Variants in NTM observed in about 807,000 individuals in gnomAD.
NTM encodes IgLON family member 2.
A neutral mutation model predicts 42.1 loss-of-function variants in NTM; 13 were observed. The observed-to-expected ratio is 0.31, with a 90% confidence interval of 0.20 to 0.49. NTM has a LOEUF of 0.49. NTM is among the 20% of genes least tolerant of loss of function. The pLI, the probability that NTM is intolerant of heterozygous loss-of-function variation, is 0.99. For synonymous variants in NTM, 187 were observed against 179.2 expected, an observed-to-expected ratio of 1.04 and a Z score of -0.35; for missense variants, 373 against 452.8, an observed-to-expected ratio of 0.82 and a Z score of 1.60.
intron 2 of NTM, among the ~76,000 whole-genome samples, chr11:132,089,920 GT>G (rs886504783): frequency 2.0e-5 from 3 of 151,636 alleles, no homozygotes; most frequent in East Asian, 1.9e-4. Context: ...AAAATTCAAG[GT>G]TTTTTTTATA....
intron 2 of NTM, among the ~76,000 whole-genome samples, chr11:131,971,106 A>C (rs2063475066): frequency 6.6e-6 from 1 of 151,944 alleles, no homozygotes; most frequent in Admixed American, 6.6e-5. Context: ...GGGTCATGGG[A>C]CTCCACAGGC....
At chr11:131,552,852 CA>C in intron 1 of NTM, among the ~76,000 whole-genome samples, 1 of 151,370 alleles carries the variant, frequency 6.6e-6, no homozygotes, top group East Asian at 1.9e-4. Context: ...AAGGTAGAAA[CA>C]GTGCCAATGT....
rs951593215 is a variant in NTM at position 132,307,799 on chromosome 11, C to T, written c.637C>T (p.Arg213Trp). Residue 213 changes from arginine to tryptophan, a missense_variant, in exon 5 of 9, where the codon CGG (arginine) becomes TGG (tryptophan). By Grantham distance (101) the Arg-to-Trp change is moderately radical (BLOSUM62 -3). Transcript: ENST00000683400. ...ASNDVAAPVV[R>W]RVKVTVNYPP... ...CAATGACGTGGCCGCGCCCGTGGTA[C>T]GGAGAGTAAAGGTCACCGTGAACTG... The T allele has an allele frequency of 3.7e-6, 6 of 1,614,020 alleles. No individual in the cohort carries two copies. Among genetic ancestry groups the T allele is most frequent in the South Asian group, 1.1e-5 (1 of 91,086 alleles).
intron 1 of NTM, among the ~76,000 whole-genome samples, chr11:131,545,661 A>G (rs2053837469): frequency 6.6e-6 from 1 of 152,202 alleles, no homozygotes; most frequent in African/African-American, 2.4e-5. Flanking sequence ...CAAAGAAACT[A>G]TTAAATCCAT....
At chr11:131,407,897 C>G (rs1402667555) in intron 1 of NTM, among the ~76,000 whole-genome samples, 1 of 152,192 alleles carries the variant, frequency 6.6e-6, no homozygotes, top group Non-Finnish European at 1.5e-5. Context: ...TCTTATCTCA[C>G]CAGAGTGGTG....
chr11:131,880,867 T>C (rs1158213766), intron 1 of NTM, among the ~76,000 whole-genome samples: 1 of 152,056 alleles, frequency 6.6e-6, no homozygotes, highest in African/African-American at 2.4e-5. Flanking sequence ...TTCTAAACTC[T>C]GATAGGTGCT....
intron 1 of NTM, among the ~76,000 whole-genome samples, chr11:131,475,371 G>A (rs1376799080): frequency 1.3e-5 from 2 of 152,006 alleles, no homozygotes; most frequent in Admixed American, 1.3e-4. Flanking sequence ...ATTTTTCTGA[G>A]AAGAGTTTAA....
intron 4 of NTM, among the ~76,000 whole-genome samples, chr11:132,252,145 G>A (rs3133903): frequency 0.36 from 54,472 of 151,318 alleles, 10,288 homozygotes; most frequent in Middle Eastern, 0.5. Context: ...GCCGCTCAGC[G>A]TCAGTTCTAC....
intron 2 of NTM, among the ~76,000 whole-genome samples, chr11:132,091,236 A>T (rs2060338296): frequency 6.6e-6 from 1 of 152,050 alleles, no homozygotes; most frequent in South Asian, 2.1e-4. Flanking sequence ...CTAAAAATAC[A>T]TACACACATA....
chr11:131,404,505 C>G (rs144461078), intron 1 of NTM, among the ~76,000 whole-genome samples: 5 of 152,144 alleles, frequency 3.3e-5, no homozygotes, highest in Admixed American at 3.3e-4. Flanking sequence ...TCCACTTCTC[C>G]GGGAGATCTC....
intron 1 of NTM, among the ~76,000 whole-genome samples, chr11:131,439,478 C>T (rs1949427097): frequency 6.6e-6 from 1 of 152,204 alleles, no homozygotes; most frequent in Non-Finnish European, 1.5e-5. Flanking sequence ...TCGAGCTTCC[C>T]AGGATGCTTT....
chr11:131,791,390 T>G (rs1274338136), intron 1 of NTM, among the ~76,000 whole-genome samples: 3 of 152,226 alleles, frequency 2.0e-5, no homozygotes, highest in Admixed American at 2.0e-4. Context: ...GTGTTTATCC[T>G]TTTATTAAAT....
intron 1 of NTM, among the ~76,000 whole-genome samples, chr11:131,424,726 ATT>A (rs71475756): frequency 2.5e-5 from 3 of 122,182 alleles, no homozygotes; most frequent in Non-Finnish European, 5.0e-5. Context: ...TGCCTGGCTA[ATT>A]TTTTTTTTTT....
At chr11:131,846,959 A>G (rs1013458971) in intron 1 of NTM, among the ~76,000 whole-genome samples, 2 of 152,160 alleles carry the variant, frequency 1.3e-5, no homozygotes, top group African/African-American at 4.8e-5. Context: ...GTTTAGCAAA[A>G]CCTGCAGTGA....
chr11:132,046,791 G>C (rs1241078271), intron 2 of NTM, among the ~76,000 whole-genome samples: 3 of 152,114 alleles, frequency 2.0e-5, no homozygotes, highest in African/African-American at 7.2e-5. Context: ...CTGAGCACTG[G>C]CTTTATCTAT....
intron 2 of NTM, among the ~76,000 whole-genome samples, chr11:132,118,802 A>G (rs78772974): frequency 0.018 from 2,751 of 152,320 alleles, 52 homozygotes; most frequent in South Asian, 0.1. Context: ...ATGAAAATTA[A>G]CATGTAATTG....
intron 2 of NTM, among the ~76,000 whole-genome samples, chr11:132,107,732 TATG>T (rs556263884): frequency 7.6e-4 from 115 of 152,254 alleles, no homozygotes; most frequent in African/African-American, 2.7e-3. Context: ...GGGAACAATC[TATG>T]ATATGTTCTC....
intron 1 of NTM, among the ~76,000 whole-genome samples, chr11:131,806,977 T>C (rs1357716557): frequency 6.6e-6 from 1 of 152,166 alleles, no homozygotes; most frequent in Admixed American, 6.5e-5. Flanking sequence ...TCACAGTGAA[T>C]GGAGTCATGA....
chr11:132,004,320 A>G (rs189533778), intron 2 of NTM, among the ~76,000 whole-genome samples: 13 of 152,298 alleles, frequency 8.5e-5, no homozygotes, highest in Non-Finnish European at 1.0e-4. Context: ...CTTTAATCTC[A>G]TTACATCTGT....
Sources: gnomAD v4.1 joint callset for allele counts (sites outside exome capture counted in the v4.1 genomes callset) on GRCh38, gnomAD v4.1.1 for gene constraint, MANE v1.5 for transcripts, NCBI Gene and HGNC (gene_info 2026-07-23, HGNC 2026-07-21) for gene names.